The following PLPP5 variants were observed in gnomAD, a reference collection of about 807,000 sequenced individuals.
PLPP5 encodes diacylglycerol pyrophosphate like 1.
A neutral mutation model predicts 23.6 loss-of-function variants in PLPP5; 29 were observed. That is an observed-to-expected ratio of 1.23 (90% CI 0.92 to 1.68). PLPP5 has a LOEUF of 1.68. Among genes scored for constraint, PLPP5 ranks in the 40% most tolerant of loss-of-function variants. PLPP5 has a pLI of 0.00. For missense variants in PLPP5, 315 were observed against 332.1 expected, an observed-to-expected ratio of 0.95 and a Z score of 0.40; for synonymous variants, 143 against 131.3, an observed-to-expected ratio of 1.09 and a Z score of -0.61.
chr8:38,269,003 A>C lies in PLPP5; in HGVS notation c.75-13T>G, dbSNP rs746972838. On this transcript the variant is annotated splice_polypyrimidine_tract_variant and intron_variant, in intron 1 of 6. Transcript: ENST00000424479. Reference sequence around the variant, plus strand: ...CAGCTCCGTCACCCTAGAGGGGAACAAAGAAGCGCAGAGCAGGTCGCCTGG... The same window carrying C: ...CAGCTCCGTCACCCTAGAGGGGAACCAAGAAGCGCAGAGCAGGTCGCCTGG... 6.4e-7 allele frequency: 1 copy of C among 1,571,224 alleles called. No homozygotes were observed. The highest frequency in any genetic ancestry group is 1.2e-5 in the South Asian group (1 of 86,712).
chr8:38,268,013 T>A, intron 3 of PLPP5, 53 bp from the exon 4 acceptor site: 1 of 1,613,420 alleles, frequency 6.2e-7, no homozygotes, highest in Non-Finnish European at 8.5e-7. Flanking sequence ...AAAGGTATGG[T>A]CATGGCCTCG....
At chr8:38,267,781 G>C (rs550941527) in intron 4 of PLPP5, 116 bp downstream of exon 4, 1 of 1,082,290 alleles carries the variant, frequency 9.2e-7, no homozygotes, top group Non-Finnish European at 1.4e-6. Flanking sequence ...AGAAAAATCA[G>C]AGTGAAGATA....
At chr8:38,266,470 G>A (rs1214161246) in intron 5 of PLPP5, 159 bp from the exon 6 acceptor site, 3 of 657,388 alleles carry the variant, frequency 4.6e-6, no homozygotes, top group South Asian at 4.0e-5. Flanking sequence ...GCACCATCTC[G>A]GCTCACTGCA....
In PLPP5 at chr8:38,264,827, C is replaced by CTTAT. The variant is rs1482715284; in HGVS notation, c.635-224_635-223insATAA. On this transcript the variant is annotated intron_variant, in intron 6 of 6. Transcript: ENST00000424479. ...GCTTTCTGAACACCAAATCAAAACACATCTTAAGTAAGTATAATAAGCTTT... is the reference window on the plus strand; with the variant it reads ...GCTTTCTGAACACCAAATCAAAACACTTATATCTTAAGTAAGTATAATAAGCTTT... 4 of 1,574,874 alleles carry CTTAT rather than the reference C, an allele frequency of 2.5e-6. No homozygotes were observed. In the African/African-American group the frequency reaches 4.1e-5, roughly 16 times the overall value.
In PLPP5 at chr8:38,268,990, C is replaced by A. The variant is rs1379016762; in HGVS notation, c.75G>T (p.Leu25=). 2 of 1,581,058 alleles carry A rather than the reference C, an allele frequency of 1.3e-6. No individual in the cohort carries two copies. The highest frequency in any genetic ancestry group is 2.4e-5 in the East Asian group (1 of 41,340). The change falls in exon 2 of 7, where the codon CTG becomes CTT. Residue 25 remains leucine, a splice_region_variant and synonymous_variant. Coordinates refer to ENST00000424479, the MANE Select transcript of PLPP5 (RefSeq NM_001102559.2). ...GGAACGGGGGGAGCAGCTCCGTCAC[C>A]CTAGAGGGGAACAAAGAAGCGCAGA... ...GVRLALFAAF[L]VTELLPPFQR...
In PLPP5 at chr8:38,264,304, G is replaced by T; in HGVS notation, c.*140C>A. The T allele has an allele frequency of 1.3e-6, 1 of 779,784 alleles. No homozygotes were observed. The highest frequency in any genetic ancestry group is 1.8e-6 in the Non-Finnish European group (1 of 546,306). 48.3% of individuals were successfully genotyped at this position (779,784 alleles called of 1,614,324 possible). A position where few individuals can be genotyped will look rare whatever the true frequency, so the allele number is the denominator to read the frequency against. On this transcript the variant is annotated 3_prime_UTR_variant, in exon 7 of 7. Transcript: ENST00000424479. ...CTGGGATTACGGCACACAACTCCTG[G>T]CTAATTTTTGTATTTTTAGTAGAGA...
At position 38,267,137 on chromosome 8, in the gene PLPP5, AC is replaced by A; in HGVS notation, c.463+129del. On this transcript the variant is annotated intron_variant, in intron 5 of 6. Transcript: ENST00000424479. ...CTCAGACTTGTTAAACTGTGGAGTTACTAAAGAAGGGGGGATTTTCCAAATT... is the reference window on the plus strand; with the variant it reads ...CTCAGACTTGTTAAACTGTGGAGTTATAAAGAAGGGGGGATTTTCCAAATT... The A allele has an allele frequency of 1.9e-6, 3 of 1,553,342 alleles. No homozygotes were observed. The Middle Eastern group carries it at 6.7e-4, about 348-fold the overall frequency.
At position 38,269,006 on chromosome 8, in the gene PLPP5, G is replaced by A. The variant is rs754707687; in HGVS notation, c.75-16C>T. ...CTCCGTCACCCTAGAGGGGAACAAA[G>A]AAGCGCAGAGCAGGTCGCCTGGCTT... On this transcript the variant is annotated splice_polypyrimidine_tract_variant and intron_variant, in intron 1 of 6. Transcript: ENST00000424479. 1.3e-6 allele frequency: 2 copies of A among 1,568,022 alleles called. No homozygotes were observed. The highest frequency in any genetic ancestry group is 4.9e-5 in the East Asian group (2 of 40,430).
chr8:38,267,093 T>C, intron 5 of PLPP5, 174 bp downstream of exon 5: 1 of 1,461,890 alleles, frequency 6.8e-7, no homozygotes, highest in South Asian at 1.5e-5. Flanking sequence ...TTCTGTAATA[T>C]TTACCCAAAT....
chr8:38,266,945 A>G (rs778308829), intron 5 of PLPP5: 181 of 844,104 alleles, frequency 2.1e-4, no homozygotes, highest in Non-Finnish European at 2.7e-4. Context: ...TAGGTAAGAA[A>G]TGAAAATGCT....
At chr8:38,265,970 T>C (rs1011741735) in intron 6 of PLPP5, among the ~76,000 whole-genome samples, 171 bp downstream of exon 6, 5 of 152,220 alleles carry the variant, frequency 3.3e-5, no homozygotes, top group African/African-American at 9.6e-5. Context: ...GTAAACTCTT[T>C]TTGTCTTATC....
In PLPP5 at chr8:38,263,338, A is replaced by C. The variant is rs988567298; in HGVS notation, c.*1106T>G. 5 of 972,744 alleles carry C rather than the reference A, an allele frequency of 5.1e-6. No individual in the cohort carries two copies. The African/African-American group carries it at 7.0e-5, about 14-fold the overall frequency. 60.3% of individuals were successfully genotyped at this position (972,744 alleles called of 1,614,324 possible). On this transcript the variant is annotated 3_prime_UTR_variant, in exon 7 of 7. Coordinates refer to ENST00000424479, the MANE Select transcript of PLPP5 (RefSeq NM_001102559.2). ...GCAGAAAAAGATTCATCTGTCCTTCAGATGACGATACCTGTCATTTTTCTT... is the reference window on the plus strand; with the variant it reads ...GCAGAAAAAGATTCATCTGTCCTTCCGATGACGATACCTGTCATTTTTCTT...
At position 38,267,947 on chromosome 8, in the gene PLPP5, G is replaced by A; in HGVS notation, c.288C>T (p.Ala96=). The part of the protein sequence containing the change: ...SRQACLAASL[A]LALNGVFTNT... ...TGGTAAAGACGCCATTCAGAGCCAG[G>A]GCAAGGCTGGCAGCTGCAAAGCAAA... The change falls in exon 4 of 7, where the codon GCC becomes GCT. Residue 96 remains alanine, a synonymous_variant. Coordinates refer to ENST00000424479, the MANE Select transcript of PLPP5 (RefSeq NM_001102559.2). 2.5e-6 allele frequency: 4 copies of A among 1,613,962 alleles called. No individual in the cohort carries two copies. The highest frequency in any genetic ancestry group is 3.4e-6 in the Non-Finnish European group (4 of 1,179,900).
chr8:38,267,157 C>T lies in PLPP5; in HGVS notation c.463+110G>A, dbSNP rs778782585. 5.0e-6 allele frequency: 8 copies of T among 1,587,484 alleles called. No individual in the cohort carries two copies. In the South Asian group the frequency reaches 8.0e-5, roughly 16 times the overall value. On this transcript the variant is annotated intron_variant, in intron 5 of 6. Transcript: ENST00000424479. ...GAGTTACTAAAGAAGGGGGGATTTT[C>T]CAAATTGTAGAAACAAGAGTAGTCA...
In PLPP5 at chr8:38,269,155, G is replaced by A; in HGVS notation, c.45C>T (p.Gly15=). Residue 15 remains glycine, a synonymous_variant, in exon 1 of 7, where the codon GGC becomes GGT. Coordinates refer to ENST00000424479, the MANE Select transcript of PLPP5 (RefSeq NM_001102559.2). ...AAAVAFGAEV[G]VRLALFAAFL... is the part of the protein sequence containing the mutation. ...AGGCCGCGAACAGCGCGAGCCGCAC[G>A]CCCACTTCGGCCCCAAAGGCCACCG... 1 of 1,513,258 alleles carries A rather than the reference G, an allele frequency of 6.6e-7. No individual in the cohort carries two copies. Among genetic ancestry groups the A allele is most frequent in the Non-Finnish European group, 8.8e-7 (1 of 1,138,254 alleles). 93.7% of individuals were successfully genotyped at this position (1,513,258 alleles called of 1,614,324 possible).
intron 5 of PLPP5, among the ~76,000 whole-genome samples, chr8:38,266,781 G>A (rs1455186728): frequency 6.6e-6 from 1 of 152,116 alleles, no homozygotes; most frequent in African/African-American, 2.4e-5. Flanking sequence ...GAAAAATGAA[G>A]GACTTAGTGC....
Position 38,264,045 on chromosome 8 carries a change from G to A in PLPP5, c.*399C>T, listed in dbSNP as rs2130908131. 1.0e-6 allele frequency: 1 copy of A among 988,690 alleles called. No individual in the cohort carries two copies. Among genetic ancestry groups the A allele is most frequent in the Middle Eastern group, 5.2e-4 (1 of 1,922 alleles). The allele number at this position is 988,690 out of a possible 1,614,324, so 61.2% of individuals were successfully genotyped here. Reference sequence around the variant, plus strand: ...GGAGGCAGAATACAGTGTGGCTTATGTCCTCACTTGCACCTTGGAAGGGGA... The same window carrying A: ...GGAGGCAGAATACAGTGTGGCTTATATCCTCACTTGCACCTTGGAAGGGGA... On this transcript the variant is annotated 3_prime_UTR_variant, in exon 7 of 7. Transcript: ENST00000424479.
intron 2 of PLPP5, 180 bp downstream of exon 2, chr8:38,268,702 G>A: frequency 7.0e-7 from 1 of 1,432,512 alleles, no homozygotes; most frequent in Non-Finnish European, 9.1e-7. Flanking sequence ...AAAGAGGCTC[G>A]GACACCCTCC....
chr8:38,264,300 C>A lies in PLPP5; in HGVS notation c.*144G>T. The A allele has an allele frequency of 1.3e-6, 1 of 775,670 alleles. No individual in the cohort carries two copies. The highest frequency in any genetic ancestry group is 1.8e-6 in the Non-Finnish European group (1 of 543,452). The allele number at this position is 775,670 out of a possible 1,614,324, so 48.0% of individuals were successfully genotyped here. ...GTAGCTGGGATTACGGCACACAACT[C>A]CTGGCTAATTTTTGTATTTTTAGTA... is the stretch of plus-strand genomic sequence containing the variant. On this transcript the variant is annotated 3_prime_UTR_variant, in exon 7 of 7. Transcript: ENST00000424479.
Sources: allele counts gnomAD v4.1 joint callset (sites outside exome capture counted in the v4.1 genomes callset), GRCh38; gene constraint gnomAD v4.1.1; transcripts MANE v1.5; gene names NCBI Gene and HGNC (gene_info 2026-07-23, HGNC 2026-07-21).